The following TFEB variants were observed in gnomAD, a reference collection of about 807,000 sequenced individuals.
The protein encoded by TFEB is transcription factor EB.
Under a neutral mutation model 48.0 loss-of-function variants are expected in TFEB, and 12 were observed. The observed-to-expected ratio is 0.25, with a 90% CI of 0.16 to 0.40. TFEB has a LOEUF of 0.40. Ranked by LOEUF, TFEB falls within the 10% of genes least tolerant of loss-of-function variation. The probability of loss-of-function intolerance (pLI) is 1.00; values close to 1 mark genes in which losing one functional copy is unlikely to be tolerated. For synonymous variants in TFEB, 244 were observed against 261.4 expected (o/e 0.93, Z 0.64); for missense variants, 509 against 640.3 (o/e 0.79, Z 2.21).
intron 7 of TFEB, chr6:41,686,513 T>C (rs1163590969): frequency 2.3e-5 from 7 of 298,828 alleles, no homozygotes; most frequent in East Asian, 1.2e-4. Context: ...CCTTTCTTTT[T>C]TTTTTTTTTT....
intron 1 of TFEB, among the ~76,000 whole-genome samples, chr6:41,704,213 C>T (rs1028160357): frequency 1.6e-4 from 25 of 152,250 alleles, no homozygotes; most frequent in African/African-American, 2.4e-5. Flanking sequence ...ACCTCCACCA[C>T]GTCATCTGTC....
chr6:41,732,447 CTTA>C (rs1771492512), intron 1 of TFEB, among the ~76,000 whole-genome samples: 1 of 152,194 alleles, frequency 6.6e-6, no homozygotes, highest in African/African-American at 2.4e-5. Context: ...TATAATCAAT[CTTA>C]TTATAATATT....
intron 1 of TFEB, among the ~76,000 whole-genome samples, chr6:41,695,419 T>C (rs769744066): frequency 6.6e-6 from 1 of 152,244 alleles, no homozygotes; most frequent in Non-Finnish European, 1.5e-5. Context: ...ATGATTGCCA[T>C]GGGTCAGGGC....
intron 1 of TFEB, among the ~76,000 whole-genome samples, chr6:41,729,000 C>T (rs1330620631): frequency 6.6e-6 from 1 of 152,094 alleles, no homozygotes; most frequent in Non-Finnish European, 1.5e-5. Flanking sequence ...CTTCTAGGTG[C>T]TAGGGGTACG....
intron 8 of TFEB, among the ~76,000 whole-genome samples, chr6:41,685,531 T>A (rs1768953487): frequency 6.6e-6 from 1 of 152,164 alleles, no homozygotes. Flanking sequence ...AGGGCCAGCC[T>A]CAGGTCTAAA....
At position 41,725,975 on chromosome 6, in the gene TFEB, G is replaced by A. The variant is rs975796372; in HGVS notation, c.-23+9375C>T. 3.9e-5 allele frequency among the ~76,000 whole-genome samples: 6 copies of A among 152,322 alleles called. No homozygotes were observed. The East Asian group carries it at 7.7e-4, about 20-fold the overall frequency. ...ATATACATTAAAGGCCAGGCCCGGCGGCTCACGCCTGCAATCCTGGCACTT... is the reference window on the plus strand; with the variant it reads ...ATATACATTAAAGGCCAGGCCCGGCAGCTCACGCCTGCAATCCTGGCACTT... On this transcript the variant is annotated intron_variant, in intron 1 of 8. Transcript: ENST00000373033.
At chr6:41,732,169 C>T (rs1771479700) in intron 1 of TFEB, among the ~76,000 whole-genome samples, 1 of 152,170 alleles carries the variant, frequency 6.6e-6, no homozygotes, top group East Asian at 1.9e-4. Flanking sequence ...GAGCAGGAAA[C>T]CCTGGATAGA....
intron 1 of TFEB, among the ~76,000 whole-genome samples, chr6:41,731,836 C>A (rs1185056769): frequency 6.6e-6 from 1 of 152,162 alleles, no homozygotes; most frequent in Non-Finnish European, 1.5e-5. Flanking sequence ...AGTAAGGATG[C>A]CTCCTCCCTT....
chr6:41,691,430 G>T lies in TFEB; in HGVS notation c.-22-195C>A. ...GCTGAGACATGAATCCAAGTTTCCT[G>T]GTTCCTGGACCAAAACTGAAGGTTC... is the stretch of plus-strand genomic sequence containing the variant. On this transcript the variant is annotated intron_variant, in intron 1 of 8. Coordinates refer to ENST00000373033, the MANE Select transcript of TFEB (RefSeq NM_001271944.2). This position sits in a 1 kb window ranked among gnomAD's most constrained non-coding sequence, Gnocchi z 5.2. The T allele has an allele frequency of 1.4e-6, 1 of 730,774 alleles. No individual in the cohort carries two copies. Among genetic ancestry groups the T allele is most frequent in the South Asian group, 1.5e-5 (1 of 66,998 alleles). The allele number at this position is 730,774 out of a possible 1,614,324, so 45.3% of individuals were successfully genotyped here. A position where few individuals can be genotyped will look rare whatever the true frequency, so the allele number is the denominator to read the frequency against.
intron 1 of TFEB, among the ~76,000 whole-genome samples, chr6:41,697,174 G>A (rs1411562640): frequency 1.3e-5 from 2 of 151,792 alleles, no homozygotes; most frequent in South Asian, 2.1e-4. Flanking sequence ...TTGGCAGGCC[G>A]AGGCAGCCAG....
At chr6:41,693,638 G>A (rs1386172235) in intron 1 of TFEB, among the ~76,000 whole-genome samples, 1 of 152,134 alleles carries the variant, frequency 6.6e-6, no homozygotes, top group Non-Finnish European at 1.5e-5. Flanking sequence ...AGGTAGGAAG[G>A]CAGGCAGTGG....
intron 1 of TFEB, among the ~76,000 whole-genome samples, chr6:41,694,135 G>A (rs895901212): frequency 3.9e-5 from 6 of 152,186 alleles, no homozygotes; most frequent in African/African-American, 9.7e-5. Context: ...AGAGCTGAGC[G>A]TCTGGCCTGG....
chr6:41,704,757 A>C (rs535808537), intron 1 of TFEB, among the ~76,000 whole-genome samples: 1 of 150,444 alleles, frequency 6.6e-6, no homozygotes, highest in South Asian at 2.1e-4. Flanking sequence ...GCAGGGAAGC[A>C]CAGGCCCCTG....
In TFEB at chr6:41,684,637, G is replaced by C; in HGVS notation, c.1393C>G (p.Arg465Gly). The change falls in exon 9 of 9, where the codon CGG becomes GGG. Residue 465 changes from arginine (R) to glycine (G), a missense_variant. Physicochemically the swap from Arg to Gly is moderately radical, Grantham distance 125 (BLOSUM62 -2). This residue lies in a region of TFEB where 168 missense variants were observed against 161.0 expected (regional missense o/e 1.04). Coordinates refer to ENST00000373033, the MANE Select transcript of TFEB (RefSeq NM_001271944.2). The stretch of plus-strand genomic sequence containing the variant: ...CCCTCCTCCATGCTGAAGCTGCTCC[G>C]GCGGCTGCTGGCCTTGGAGGCCTCG... Reference protein sequence around the residue: ...SPEASKASSRRSSFSMEEGDV... With the variant: ...SPEASKASSRGSSFSMEEGDV... The C allele has an allele frequency of 6.2e-7, 1 of 1,607,398 alleles. No homozygotes were observed. Among genetic ancestry groups the C allele is most frequent in the Admixed American group, 1.7e-5 (1 of 59,314 alleles).
chr6:41,722,015 G>C (rs139956855), intron 1 of TFEB, among the ~76,000 whole-genome samples: 1 of 152,116 alleles, frequency 6.6e-6, no homozygotes, highest in Non-Finnish European at 1.5e-5. Flanking sequence ...GTCTCCCTCC[G>C]TCGTTCAGGC....
intron 1 of TFEB, among the ~76,000 whole-genome samples, chr6:41,717,992 A>G (rs1770810070): frequency 1.3e-5 from 2 of 152,204 alleles, no homozygotes; most frequent in East Asian, 3.9e-4. Context: ...AAATTAGCAT[A>G]TCACAGGCTC....
intron 6 of TFEB, 133 bp from the exon 7 acceptor site, chr6:41,687,302 G>A: frequency 1.3e-6 from 1 of 780,606 alleles, no homozygotes; most frequent in Non-Finnish European, 2.2e-6. Context: ...CAGGAAGTAA[G>A]AGGTGACCAA....
chr6:41,718,154 T>C (rs1770815828), intron 1 of TFEB, among the ~76,000 whole-genome samples: 2 of 152,100 alleles, frequency 1.3e-5, no homozygotes, highest in South Asian at 4.1e-4. Flanking sequence ...CTTGTCATTT[T>C]GGGTGGTAAG....
Position 41,730,377 on chromosome 6 carries a change from T to C in TFEB, c.-23+4973A>G, listed in dbSNP as rs899228995. On this transcript the variant is annotated intron_variant, in intron 1 of 8. Coordinates refer to ENST00000373033, the MANE Select transcript of TFEB (RefSeq NM_001271944.2). The surrounding 1 kb of genome is among the most constrained non-coding windows in gnomAD (Gnocchi z 4.1). Reference sequence around the variant, plus strand: ...TGGAGAGTCTGGTGGAATCCCTGGATTAATCCCTACAGCACCGCATCTTAC... The same window carrying C: ...TGGAGAGTCTGGTGGAATCCCTGGACTAATCCCTACAGCACCGCATCTTAC... Among the ~76,000 whole-genome samples, 1 of 152,136 alleles carries C rather than the reference T, an allele frequency of 6.6e-6. No homozygotes were observed. The highest frequency in any genetic ancestry group is 2.4e-5 in the African/African-American group (1 of 41,414).
Sources: gnomAD v4.1 joint callset for allele counts (sites outside exome capture counted in the v4.1 genomes callset) on GRCh38, gnomAD v4.1.1 for gene constraint, gnomAD v4.1.1 regional missense constraint, Gnocchi (gnomAD v3.1) non-coding constraint, MANE v1.5 for transcripts, NCBI Gene and HGNC (gene_info 2026-07-23, HGNC 2026-07-21) for gene names.